IL3RA: variants seen among roughly 807,000 people sequenced by gnomAD.
IL3RA encodes interleukin 3 receptor subunit alpha.
In IL3RA, 73 loss-of-function variants were observed where a neutral mutation model predicts 52.3. The observed-to-expected ratio is 1.40, with a 90% CI of 1.16 to 1.70. The LOEUF (loss-of-function observed/expected upper bound fraction) is 1.70. Ranked by LOEUF, IL3RA falls within the 40% of genes most tolerant of loss-of-function variation. IL3RA has a pLI of 0.00. For missense variants in IL3RA, 664 were observed against 504.4 expected, an observed-to-expected ratio of 1.32 and a Z score of -3.03; for synonymous variants, 260 against 194.0, an observed-to-expected ratio of 1.34 and a Z score of -2.83.
At chrX:1,344,519 A>T (rs1359457057) in intron 2 of IL3RA, among the ~76,000 whole-genome samples, 1 of 151,248 alleles carries the variant, frequency 6.6e-6, no homozygotes, top group Admixed American at 6.6e-5. Context: ...TCATGCTTGT[A>T]ATCCCAGCAC....
chrX:1,379,915 C>T (rs1427368165), intron 10 of IL3RA, among the ~76,000 whole-genome samples: 2 of 152,206 alleles, frequency 1.3e-5, no homozygotes, highest in African/African-American at 2.4e-5. Flanking sequence ...GATGTGCCAC[C>T]ACGCCTGGCT....
intron 2 of IL3RA, among the ~76,000 whole-genome samples, chrX:1,344,994 C>G (rs1352913910): frequency 4.3e-5 from 5 of 116,646 alleles, no homozygotes; most frequent in African/African-American, 1.2e-4. Flanking sequence ...AACGCCATCT[C>G]TACTAAAAAT....
At chrX:1,357,481 T>C (rs1481269886) in intron 7 of IL3RA, among the ~76,000 whole-genome samples, 1 of 151,682 alleles carries the variant, frequency 6.6e-6, no homozygotes, top group African/African-American at 2.4e-5. Flanking sequence ...AGCTTCAGCC[T>C]CCTGAGTAGC....
chrX:1,343,296 G>A (rs1421580541), intron 2 of IL3RA, among the ~76,000 whole-genome samples: 5 of 151,946 alleles, frequency 3.3e-5, no homozygotes, highest in Admixed American at 6.6e-5. Flanking sequence ...CTAAGTGGCC[G>A]ATCAGAGATA....
intron 8 of IL3RA, among the ~76,000 whole-genome samples, chrX:1,363,681 T>C (rs1388861348): frequency 3.3e-5 from 5 of 152,104 alleles, no homozygotes; most frequent in Non-Finnish European, 5.9e-5. Flanking sequence ...CTCATTCTTT[T>C]GTACCCATCA....
At chrX:1,376,368 CACAG>C (rs1378776865) in intron 9 of IL3RA, among the ~76,000 whole-genome samples, 1 of 25,100 alleles carries the variant, frequency 4.0e-5, no homozygotes, top group Non-Finnish European at 6.1e-5. Context: ...GACATGAGGA[CACAG>C]ACACACACAG....
At position 1,352,504 on chromosome X, in the gene IL3RA, T is replaced by C; in HGVS notation, c.614T>C (p.Ile205Thr). 1 of 1,612,968 alleles carries C rather than the reference T, an allele frequency of 6.2e-7. No individual in the cohort carries two copies. Among genetic ancestry groups the C allele is most frequent in the South Asian group, 1.1e-5 (1 of 91,044 alleles). Residue 205 changes from isoleucine (I) to threonine (T), a missense_variant and splice_region_variant, in exon 6 of 12, where the codon ATT becomes ACT. Coordinates refer to ENST00000331035, the MANE Select transcript of IL3RA (RefSeq NM_002183.4). ...CTDKFVVFSQIEILTPPNMTA... is the reference protein window; with the variant it reads ...CTDKFVVFSQTEILTPPNMTA... ...GATAAGTTTGTCGTCTTTTCACAGA[T>C]TGGTGAGTAGCCCGGGACACTCCCT...
At chrX:1,356,136 A>G in intron 6 of IL3RA, 85 bp from the exon 7 acceptor site, 1 of 852,020 alleles carries the variant, frequency 1.2e-6, no homozygotes, top group Non-Finnish European at 1.9e-6. Flanking sequence ...AGTAATTTGA[A>G]GTATCTCCAG....
chrX:1,351,963 C>T lies in IL3RA; in HGVS notation c.299-137C>T, dbSNP rs2086105618. On this transcript the variant is annotated intron_variant, in intron 4 of 11. Coordinates refer to ENST00000331035, the MANE Select transcript of IL3RA (RefSeq NM_002183.4). ...CATTTTTAGTAGAGATTGGGTTTCT[C>T]CATGTTGGCCAGGCTGGTCTCGAAC... is the stretch of plus-strand genomic sequence containing the variant. 2.8e-6 allele frequency: 3 copies of T among 1,083,894 alleles called. No individual in the cohort carries two copies. The Admixed American group carries it at 8.4e-5, about 30-fold the overall frequency. 67.1% of individuals were successfully genotyped at this position (1,083,894 alleles called of 1,614,324 possible).
chrX:1,382,515 C>T lies in IL3RA; in HGVS notation c.*50C>T. 3 of 1,556,634 alleles carry T rather than the reference C, an allele frequency of 1.9e-6. No homozygotes were observed. Among genetic ancestry groups the T allele is most frequent in the Non-Finnish European group, 2.7e-6 (3 of 1,127,750 alleles). On this transcript the variant is annotated 3_prime_UTR_variant, in exon 12 of 12. Transcript: ENST00000331035. ...GTCTGCCTCAATCTCCCTGGCCGGG[C>T]CAGGCGCCTGCACAGACTGGCTGCT...
At chrX:1,367,680 A>AGCGGGGTGC (rs1748112695) in intron 9 of IL3RA, among the ~76,000 whole-genome samples, 1 of 82,320 alleles carries the variant, frequency 1.2e-5, no homozygotes, top group African/African-American at 5.0e-5. Context: ...GCGCGGGGTG[A>AGCGGGGTGC]GCGGGGTGCG....
intron 8 of IL3RA, among the ~76,000 whole-genome samples, chrX:1,364,591 C>T (rs1339207703): frequency 6.6e-6 from 1 of 151,922 alleles, no homozygotes. Flanking sequence ...CCACCTCAGC[C>T]TCCCTGGTAG....
intron 8 of IL3RA, among the ~76,000 whole-genome samples, chrX:1,360,556 T>C (rs746041979): frequency 2.8e-4 from 42 of 152,082 alleles, no homozygotes; most frequent in Admixed American, 2.4e-3. Context: ...TTTTCTCTTG[T>C]TGCCCAGGCT....
chrX:1,368,743 A>AG (rs1404787613), intron 9 of IL3RA, among the ~76,000 whole-genome samples: 2 of 148,764 alleles, frequency 1.3e-5, no homozygotes, highest in African/African-American at 5.0e-5. Context: ...AGCCCAGGAG[A>AG]GGGGCCTCAG....
At chrX:1,362,079 T>C (rs1364853440) in intron 8 of IL3RA, among the ~76,000 whole-genome samples, 1 of 151,850 alleles carries the variant, frequency 6.6e-6, no homozygotes, top group Non-Finnish European at 1.5e-5. Flanking sequence ...TCTCCGTTTC[T>C]ATCTCTGTCT....
chrX:1,352,205 A>T lies in IL3RA; in HGVS notation c.404A>T (p.Gln135Leu). Residue 135 changes from glutamine to leucine, a missense_variant, in exon 5 of 12, where the codon CAG becomes CTG. Coordinates refer to ENST00000331035, the MANE Select transcript of IL3RA (RefSeq NM_002183.4). The part of the protein sequence containing the change: ...AVGPGAPADV[Q>L]YDLYLNVANR... Reference sequence around the variant, plus strand: ...GGCCCGGGGGCCCCCGCGGACGTCCAGTACGACCTGTACTTGAACGTTGCC... The same window carrying T: ...GGCCCGGGGGCCCCCGCGGACGTCCTGTACGACCTGTACTTGAACGTTGCC... The T allele has an allele frequency of 6.2e-7, 1 of 1,613,806 alleles. No individual in the cohort carries two copies. The highest frequency in any genetic ancestry group is 1.1e-5 in the South Asian group (1 of 91,082).
intron 3 of IL3RA, among the ~76,000 whole-genome samples, chrX:1,346,256 T>TG (rs1469529334): frequency 6.6e-6 from 1 of 151,622 alleles, no homozygotes; most frequent in Non-Finnish European, 1.5e-5. Flanking sequence ...CTGGGCAACA[T>TG]GGTGAAACCC....
At chrX:1,378,526 G>A in intron 9 of IL3RA, 133 bp from the exon 10 acceptor site, 1 of 727,744 alleles carries the variant, frequency 1.4e-6, no homozygotes, top group African/African-American at 1.7e-5. Context: ...TGGCACTACT[G>A]GGGTGTCCCC....
chrX:1,364,361 G>T (rs2087742148), intron 8 of IL3RA, among the ~76,000 whole-genome samples: 1 of 151,502 alleles, frequency 6.6e-6, no homozygotes, highest in African/African-American at 2.4e-5. Flanking sequence ...CGTGGTGGTG[G>T]GCGCCTGTAA....
Sources: gnomAD v4.1 joint callset for allele counts (sites outside exome capture counted in the v4.1 genomes callset) on GRCh38, gnomAD v4.1.1 for gene constraint, MANE v1.5 for transcripts, NCBI Gene and HGNC (gene_info 2026-07-23, HGNC 2026-07-21) for gene names.